The following AIRE variants were observed in gnomAD, a reference collection of about 807,000 sequenced individuals.
The protein encoded by AIRE is autoimmune regulator.
A neutral mutation model predicts 62.1 loss-of-function variants in AIRE; 52 were observed. That is an observed-to-expected ratio of 0.84 (90% CI 0.67 to 1.06). The LOEUF is 1.06. Ranked by LOEUF, AIRE falls within the 50% of genes least tolerant of loss-of-function variation. The probability of loss-of-function intolerance (pLI) is 0.00; values close to 1 mark genes in which losing one functional copy is unlikely to be tolerated. For missense variants in AIRE, 774 were observed against 755.8 expected (o/e 1.02, Z -0.28); for synonymous variants, 342 against 321.6 (o/e 1.06, Z -0.68).
intron 12 of AIRE, 135 bp from the exon 13 acceptor site, chr21:44,296,248 C>A: frequency 2.3e-6 from 2 of 868,632 alleles, no homozygotes; most frequent in Non-Finnish European, 3.9e-6. Context: ...TGCCCCCACC[C>A]CCAGTGGAGC....
intron 7 of AIRE, chr21:44,290,551 T>G: frequency 5.2e-6 from 4 of 773,088 alleles, no homozygotes; most frequent in African/African-American, 1.9e-5. Flanking sequence ...AGTCCTGCCC[T>G]GCAGGAGCAC....
chr21:44,296,827 G>T lies in AIRE; in HGVS notation c.1566+382G>T, dbSNP rs759930624. 3.0e-3 allele frequency among the ~76,000 whole-genome samples: 271 copies of T among 89,596 alleles called. 1 individual carries two copies. The highest frequency in any genetic ancestry group is 9.7e-3 in the African/African-American group (252 of 26,058). The allele number at this position is 89,596 out of a possible 152,430, so 58.8% of individuals were successfully genotyped here. Reference sequence around the variant, plus strand: ...CCCAGGGAGGGTGGGGCGTGGGAGTGGGGGGGGGGTCCCAGACCCCGTCCC... The same window carrying T: ...CCCAGGGAGGGTGGGGCGTGGGAGTTGGGGGGGGGTCCCAGACCCCGTCCC... On this transcript the variant is annotated intron_variant, in intron 13 of 13. Transcript: ENST00000291582.
In AIRE at chr21:44,288,472, C is replaced by T. The variant is rs41277546; in HGVS notation, c.652+14C>T. On this transcript the variant is annotated intron_variant, in intron 5 of 13. Coordinates refer to ENST00000291582, the MANE Select transcript of AIRE (RefSeq NM_000383.4). ...TGTTTGAGTCAGGTAGACGCTGTGG[C>T]GGGGAGATGGGGCTGATGGGGAGAC... is the stretch of plus-strand genomic sequence containing the variant. The T allele has an allele frequency of 0.016, 24,460 of 1,561,414 alleles. 262 individuals carry two copies. Among genetic ancestry groups the T allele is most frequent in the Middle Eastern group, 0.03 (177 of 5,950 alleles).
In AIRE at chr21:44,287,529, A is replaced by G; in HGVS notation, c.476A>G (p.Lys159Arg). The change falls in exon 4 of 14, where the codon AAG becomes AGG. Residue 159 changes from lysine to arginine, a missense_variant. By Grantham distance (26) the Lys-to-Arg change is conservative (BLOSUM62 2). Around this residue, in one of 3 missense-constraint regions of AIRE, gnomAD observed 385 missense variants for 396.0 expected, o/e 0.97. Coordinates refer to ENST00000291582, the MANE Select transcript of AIRE (RefSeq NM_000383.4). This position sits in a 1 kb window ranked among gnomAD's most constrained non-coding sequence, Gnocchi z 4.3. ...CTCCCCCATTCAGGCTCTCAACTGA[A>G]GGCCAAGCCCCCCAAGAAGCCGGAG... ...RGTASPGSQLKAKPPKKPESS... is the reference protein window; with the variant it reads ...RGTASPGSQLRAKPPKKPESS... The G allele has an allele frequency of 6.4e-7, 1 of 1,555,962 alleles. No individual in the cohort carries two copies. The highest frequency in any genetic ancestry group is 1.4e-5 in the African/African-American group (1 of 73,524).
rs1385283838 is a variant in AIRE, at chr21:44,290,054, C to T, written c.865C>T (p.Pro289Ser). The T allele has an allele frequency of 1.2e-6, 2 of 1,612,030 alleles. No individual in the cohort carries two copies. The highest frequency in any genetic ancestry group is 2.7e-5 in the African/African-American group (2 of 74,908). Residue 289 changes from proline to serine, a missense_variant, in exon 7 of 14, where the codon CCC becomes TCC. Coordinates refer to ENST00000291582, the MANE Select transcript of AIRE (RefSeq NM_000383.4). ...CGCCCCTCTGGCCCTCCCCAGTGACCCCCAGCTCCACCAGGTAATGCCCTA... is the reference window on the plus strand; with the variant it reads ...CGCCCCTCTGGCCCTCCCCAGTGACTCCCAGCTCCACCAGGTAATGCCCTA... ...VPAPLALPSD[P>S]QLHQKNEDEC...
Position 44,289,792 on chromosome 21 carries a change from GC to G in AIRE, c.789del (p.Ala264LeufsTer114), listed in dbSNP as rs387906295. On this transcript the variant is annotated frameshift_variant, in exon 6 of 14. Transcript: ENST00000291582. LOFTEE classifies it high-confidence loss of function. ...CTGGTTCGAGCCAAGGGAGCCCAGG[GC>G]GCTGCCCCCGTAAGCACCTGACCTT... ...KPLVRAKGAQGAAPGGGEARL... is the reference protein window; with the variant it reads ...KPLVRAKGAQXAAPGGGEARL... 9 of 1,612,554 alleles carry G rather than the reference GC, an allele frequency of 5.6e-6. No individual in the cohort carries two copies. The highest frequency in any genetic ancestry group is 7.6e-6 in the Non-Finnish European group (9 of 1,179,968).
chr21:44,289,972 C>T lies in AIRE; in HGVS notation c.799-16C>T. The T allele has an allele frequency of 2.4e-5, 39 of 1,609,978 alleles. No individual in the cohort carries two copies. The highest frequency in any genetic ancestry group is 3.3e-5 in the Non-Finnish European group (39 of 1,178,790). On this transcript the variant is annotated splice_polypyrimidine_tract_variant and intron_variant, in intron 6 of 13. Transcript: ENST00000291582. ...GCTGAGGCTGCCCCCATTGCTGACGCCCCTCTTCCTTGCAGGGTGGAGGTG... is the reference window on the plus strand; with the variant it reads ...GCTGAGGCTGCCCCCATTGCTGACGTCCCTCTTCCTTGCAGGGTGGAGGTG...
At chr21:44,293,745 T>A in intron 10 of AIRE, 44 bp from the exon 11 acceptor site, 1 of 1,594,458 alleles carries the variant, frequency 6.3e-7, no homozygotes, top group South Asian at 1.1e-5. Context: ...TCAGCTACAT[T>A]TCCCCCGGCC....
At chr21:44,296,501 C>T (rs955508358) in intron 13 of AIRE, 56 bp downstream of exon 13, 21 of 1,530,926 alleles carry the variant, frequency 1.4e-5, no homozygotes, top group Middle Eastern at 3.7e-4. Context: ...CTGCCTCAGC[C>T]GGCACCCAGG....
chr21:44,287,234 T>C lies in AIRE; in HGVS notation c.463+101T>C. 1.4e-6 allele frequency: 2 copies of C among 1,440,650 alleles called. No individual in the cohort carries two copies. The highest frequency in any genetic ancestry group is 1.9e-6 in the Non-Finnish European group (2 of 1,049,812). 89.2% of individuals were successfully genotyped at this position (1,440,650 alleles called of 1,614,324 possible). A position where few individuals can be genotyped will look rare whatever the true frequency, so the allele number is the denominator to read the frequency against. On this transcript the variant is annotated intron_variant, in intron 3 of 13. Coordinates refer to ENST00000291582, the MANE Select transcript of AIRE (RefSeq NM_000383.4). The surrounding 1 kb of genome is among the most constrained non-coding windows in gnomAD (Gnocchi z 4.3). The stretch of plus-strand genomic sequence containing the variant: ...CACCCGGGCTCCCACCCACTGGGTG[T>C]GGGGCCAGCCTGCCTGGGGCTGTGG...
intron 10 of AIRE, 39 bp from the exon 11 acceptor site, chr21:44,293,750 C>T: frequency 1.3e-6 from 2 of 1,594,940 alleles, no homozygotes; most frequent in Non-Finnish European, 8.5e-7. Flanking sequence ...TACATTTCCC[C>T]CGGCCCCCCG....
In AIRE at chr21:44,294,416, C is replaced by T; in HGVS notation, c.1416C>T (p.Cys472=). 6.3e-7 allele frequency: 1 copy of T among 1,577,016 alleles called. No homozygotes were observed. Among genetic ancestry groups the T allele is most frequent in the Non-Finnish European group, 8.6e-7 (1 of 1,169,314 alleles). ...TCTGCTGCAGGACGGGCCTGCGCTG[C>T]AGATCCTGCTCAGGAGACGTGACCC... ...GTSRPGTGLR[C]RSCSGDVTPA... The change falls in exon 12 of 14, where the codon TGC becomes TGT. Residue 472 remains cysteine (C), a synonymous_variant. Transcript: ENST00000291582.
At position 44,295,978 on chromosome 21, in the gene AIRE, C is replaced by T. The variant is rs147475096; in HGVS notation, c.1504-405C>T. On this transcript the variant is annotated intron_variant, in intron 12 of 13. Transcript: ENST00000291582. ...CTGGGGGTGCCTGCCTGGGGACCTT[C>T]TCCCACTCTGGTCGCTCACCTATAG... is the stretch of plus-strand genomic sequence containing the variant. Among the ~76,000 whole-genome samples the T allele has an allele frequency of 3.8e-3, 584 of 152,320 alleles. 2 individuals are homozygous for T. The highest frequency in any genetic ancestry group is 0.014 in the African/African-American group (567 of 41,570).
intron 7 of AIRE, chr21:44,290,666 T>C (rs1301245603): frequency 8.3e-7 from 1 of 1,210,364 alleles, no homozygotes; most frequent in Non-Finnish European, 1.1e-6. Flanking sequence ...AAGTGGTACC[T>C]GGGAGACCCC....
intron 12 of AIRE, among the ~76,000 whole-genome samples, chr21:44,295,845 G>C (rs556410662): frequency 4.0e-5 from 6 of 149,686 alleles, no homozygotes; most frequent in Non-Finnish European, 5.9e-5. Context: ...CAGGGCTGCC[G>C]GGCCTCGCAG....
intron 9 of AIRE, 37 bp downstream of exon 9, chr21:44,292,438 C>G: frequency 7.0e-7 from 1 of 1,437,802 alleles, no homozygotes; most frequent in Non-Finnish European, 9.5e-7. Context: ...GCCACCCCTC[C>G]TGTCCACATG....
rs2146376031 is a variant in AIRE at position 44,286,795 on chromosome 21, A to T, written c.307+64A>T. On this transcript the variant is annotated intron_variant, in intron 2 of 13. Transcript: ENST00000291582. This position sits in a 1 kb window ranked among gnomAD's most constrained non-coding sequence, Gnocchi z 6.0. ...GCAGCTGCTGTCACCTGCTCAGCCC[A>T]GCTGGACTGGAACCGGAGTGGTGTT... 6.3e-7 allele frequency: 1 copy of T among 1,593,654 alleles called. No individual in the cohort carries two copies. The highest frequency in any genetic ancestry group is 2.2e-5 in the East Asian group (1 of 44,662).
intron 13 of AIRE, among the ~76,000 whole-genome samples, chr21:44,296,663 C>A (rs1337636898): frequency 6.6e-6 from 1 of 150,790 alleles, no homozygotes; most frequent in Non-Finnish European, 1.5e-5. Flanking sequence ...GGAGCCCCCC[C>A]CGGCCCCTCC....
Position 44,292,351 on chromosome 21 carries a change from CA to C in AIRE, c.1046del (p.Gln349ArgfsTer29), listed in dbSNP as rs888302057. The C allele has an allele frequency of 6.4e-7, 1 of 1,573,208 alleles. No homozygotes were observed. Among genetic ancestry groups the C allele is most frequent in the African/African-American group, 1.3e-5 (1 of 74,246 alleles). On this transcript the variant is annotated frameshift_variant, in exon 9 of 14. Coordinates refer to ENST00000291582, the MANE Select transcript of AIRE (RefSeq NM_000383.4). LOFTEE classifies it high-confidence loss of function. ...SCLQATVQEV[Q>X]PRAEEPRPQE... ...CCTGCAGGCAACAGTCCAGGAGGTG[CA>C]GCCCCGGGCAGAGGAGCCCCGGCCC...
Sources: gnomAD v4.1 joint callset for allele counts (sites outside exome capture counted in the v4.1 genomes callset) on GRCh38, gnomAD v4.1.1 for gene constraint, gnomAD v4.1.1 regional missense constraint, Gnocchi (gnomAD v3.1) non-coding constraint, MANE v1.5 for transcripts, NCBI Gene and HGNC (gene_info 2026-07-23, HGNC 2026-07-21) for gene names.